ESPL1: variants seen among roughly 807,000 people sequenced by gnomAD.
ESPL1 encodes the protein separin.
A neutral mutation model predicts 217.2 loss-of-function variants in ESPL1; 50 were observed. That is an observed-to-expected ratio of 0.23 (90% CI 0.18 to 0.29). ESPL1 has a LOEUF of 0.29. Ranked by LOEUF, ESPL1 falls within the 10% of genes least tolerant of loss-of-function variation. The probability of loss-of-function intolerance (pLI) is 1.00; values close to 1 mark genes in which losing one functional copy is unlikely to be tolerated. For missense variants in ESPL1, 1,834 were observed against 2,603.0 expected (o/e 0.70, Z 6.43); for synonymous variants, 994 against 1,081.3 (o/e 0.92, Z 1.58).
chr12:53,289,030 G>A (rs1293453134), intron 20 of ESPL1, 60 bp from the exon 21 acceptor site: 2 of 1,352,028 alleles, frequency 1.5e-6, no homozygotes, highest in Non-Finnish European at 2.1e-6. Flanking sequence ...TTCTTGGAAA[G>A]TTCCTATCAA....
Position 53,289,165 on chromosome 12 carries a change from G to A in ESPL1, c.4784G>A (p.Gly1595Glu). 6.2e-7 allele frequency: 1 copy of A among 1,614,142 alleles called. No homozygotes were observed. Among genetic ancestry groups the A allele is most frequent in the Non-Finnish European group, 8.5e-7 (1 of 1,180,014 alleles). The part of the protein sequence containing the change: ...FRGISHCPPS[G>E]LYAHLCRFLA... Reference sequence around the variant, plus strand: ...GGCATTAGTCACTGTCCTCCTAGTGGGCTCTATGCCCACCTCTGCCGCTTC... The same window carrying A: ...GGCATTAGTCACTGTCCTCCTAGTGAGCTCTATGCCCACCTCTGCCGCTTC... The change falls in exon 21 of 31, where the codon GGG becomes GAG. Residue 1595 changes from glycine (G) to glutamate (E), a missense_variant. Around this residue, in one of 5 missense-constraint regions of ESPL1, gnomAD observed 681 missense variants for 808.0 expected, o/e 0.84. Coordinates refer to ENST00000257934, the MANE Select transcript of ESPL1 (RefSeq NM_012291.5).
Position 53,269,264 on chromosome 12 carries a change from G to T in ESPL1, c.322G>T (p.Ala108Ser). 1 of 1,614,224 alleles carries T rather than the reference G, an allele frequency of 6.2e-7. No homozygotes were observed. Among genetic ancestry groups the T allele is most frequent in the Non-Finnish European group, 8.5e-7 (1 of 1,180,032 alleles). The change falls in exon 3 of 31, where the codon GCT becomes TCT. Residue 108 changes from alanine (A) to serine (S), a missense_variant. Around this residue, in one of 5 missense-constraint regions of ESPL1, gnomAD observed 746 missense variants for 1,077.0 expected, o/e 0.69. Transcript: ENST00000257934. The surrounding 1 kb of genome is among the most constrained non-coding windows in gnomAD (Gnocchi z 6.7). Reference sequence around the variant, plus strand: ...AATTCTCTTTGTCTTACTGCGGAATGCTGCTGCACAAGGAAGCCCAGAGGC... The same window carrying T: ...AATTCTCTTTGTCTTACTGCGGAATTCTGCTGCACAAGGAAGCCCAGAGGC... ...ERILFVLLRN[A>S]AAQGSPEATL...
In ESPL1 at chr12:53,292,475, T is replaced by C; in HGVS notation, c.5912+82T>C. On this transcript the variant is annotated intron_variant, in intron 28 of 30. Coordinates refer to ENST00000257934, the MANE Select transcript of ESPL1 (RefSeq NM_012291.5). This position sits in a 1 kb window ranked among gnomAD's most constrained non-coding sequence, Gnocchi z 4.5. Reference sequence around the variant, plus strand: ...AACAAGCCTTTTCTCCAGAAACAGCTGTTGCAGCCCACCTTCTATCTAATG... The same window carrying C: ...AACAAGCCTTTTCTCCAGAAACAGCCGTTGCAGCCCACCTTCTATCTAATG... The C allele has an allele frequency of 7.2e-7, 1 of 1,382,636 alleles. No homozygotes were observed. Among genetic ancestry groups the C allele is most frequent in the Non-Finnish European group, 1.0e-6 (1 of 969,476 alleles). 85.6% of individuals were successfully genotyped at this position (1,382,636 alleles called of 1,614,324 possible).
intron 1 of ESPL1, among the ~76,000 whole-genome samples, 163 bp from the exon 2 acceptor site, chr12:53,268,592 G>A (rs1276064779): frequency 1.3e-5 from 2 of 152,154 alleles, no homozygotes; most frequent in African/African-American, 2.4e-5. Flanking sequence ...AAGGAAGAGC[G>A]GAATCGTCCT....
At chr12:53,275,412 G>A (rs1943749352) in intron 7 of ESPL1, among the ~76,000 whole-genome samples, 1 of 152,180 alleles carries the variant, frequency 6.6e-6, no homozygotes, top group South Asian at 2.1e-4. Context: ...AGTGAGCCGA[G>A]ATCGTGCCAC....
rs1016189887 is a variant in ESPL1, at chr12:53,292,016, C to A, written c.5724C>A (p.Pro1908=). 9.9e-6 allele frequency: 16 copies of A among 1,613,982 alleles called. No individual in the cohort carries two copies. Among genetic ancestry groups the A allele is most frequent in the Admixed American group, 8.3e-5 (5 of 59,992 alleles). The stretch of plus-strand genomic sequence containing the variant: ...AGAAGCTGCCGTGGGAAAGCATGCC[C>A]AGCCTCCAAGCACTGCCTGTCACCC... The part of the protein sequence containing the change: ...DLQKLPWESM[P]SLQALPVTRL... Residue 1908 remains proline (P), a synonymous_variant, in exon 27 of 31, where the codon CCC becomes CCA. Transcript: ENST00000257934. The surrounding 1 kb of genome is among the most constrained non-coding windows in gnomAD (Gnocchi z 4.5).
rs1592499109 is a variant in ESPL1 at position 53,292,139 on chromosome 12, T to G, written c.5796+51T>G. Reference sequence around the variant, plus strand: ...GGATGACTGGCGACTGGGGAAGACGTCAACAAAGAAGGGCAGAGAAACCTG... The same window carrying G: ...GGATGACTGGCGACTGGGGAAGACGGCAACAAAGAAGGGCAGAGAAACCTG... On this transcript the variant is annotated intron_variant, in intron 27 of 30. Coordinates refer to ENST00000257934, the MANE Select transcript of ESPL1 (RefSeq NM_012291.5). The surrounding 1 kb of genome is among the most constrained non-coding windows in gnomAD (Gnocchi z 4.5). The G allele has an allele frequency of 6.6e-7, 1 of 1,508,054 alleles. No individual in the cohort carries two copies. Among genetic ancestry groups the G allele is most frequent in the Non-Finnish European group, 9.2e-7 (1 of 1,083,738 alleles). The allele number at this position is 1,508,054 out of a possible 1,614,324, so 93.4% of individuals were successfully genotyped here.
chr12:53,281,404 G>C, intron 12 of ESPL1, 103 bp from the exon 13 acceptor site: 1 of 1,210,502 alleles, frequency 8.3e-7, no homozygotes, highest in Non-Finnish European at 1.2e-6. Flanking sequence ...CTCCCAAAGT[G>C]CTGGGATTAC....
intron 21 of ESPL1, 28 bp downstream of exon 21, chr12:53,289,331 TGC>T (rs748923614): frequency 3.7e-6 from 6 of 1,610,934 alleles, no homozygotes; most frequent in Non-Finnish European, 5.1e-6. Flanking sequence ...CCAAGACTCC[TGC>T]TGGGGCAGAC....
Position 53,293,251 on chromosome 12 carries a change from TTTCCTCCTTTTC to T in ESPL1, c.6162-19_6162-8del, listed in dbSNP as rs1944093628. 6.2e-7 allele frequency: 1 copy of T among 1,600,674 alleles called. No individual in the cohort carries two copies. On this transcript the variant is annotated splice_polypyrimidine_tract_variant and intron_variant, in intron 30 of 30. Coordinates refer to ENST00000257934, the MANE Select transcript of ESPL1 (RefSeq NM_012291.5). The surrounding 1 kb of genome is among the most constrained non-coding windows in gnomAD (Gnocchi z 4.2). ...TCTGTTTTAGAGCCCTTACTTTGTA[TTTCCTCCTTTTC>T]TTTTCCCAGCCCCTTGTTTCTGGGT...
chr12:53,272,388 G>T (rs1943691881), intron 5 of ESPL1, among the ~76,000 whole-genome samples: 1 of 152,138 alleles, frequency 6.6e-6, no homozygotes, highest in Admixed American at 6.6e-5. Flanking sequence ...CATTGAGAGG[G>T]TGACATGAGC....
Position 53,286,614 on chromosome 12 carries a change from G to C in ESPL1, c.3878G>C (p.Gly1293Ala), listed in dbSNP as rs773256986. Residue 1293 changes from glycine to alanine, a missense_variant, in exon 18 of 31, where the codon GGC becomes GCC. Gly to Ala is a moderately conservative substitution (Grantham distance 60). Transcript: ENST00000257934. The surrounding 1 kb of genome is among the most constrained non-coding windows in gnomAD (Gnocchi z 5.3). ...CTTQLFASSW[G>A]WQPPLIKSVP... is the part of the protein sequence containing the mutation. ...ACCCAACTTTTTGCAAGCTCCTGGG[G>C]CTGGCAGCCACCATTAATAAAAAGT... 2 of 1,614,156 alleles carry C rather than the reference G, an allele frequency of 1.2e-6. No individual in the cohort carries two copies. The highest frequency in any genetic ancestry group is 1.7e-6 in the Non-Finnish European group (2 of 1,180,040).
In ESPL1 at chr12:53,274,823, A is replaced by G; in HGVS notation, c.1513A>G (p.Arg505Gly). Reference sequence around the variant, plus strand: ...GTTCCCTTTCTCTGGTCAGTTGCACAGGTGCTTCCGGCTACAAGTAGAGAG... The same window carrying G: ...GTTCCCTTTCTCTGGTCAGTTGCACGGGTGCTTCCGGCTACAAGTAGAGAG... ...YPEVPPEKLHRCFRLQVESLK... is the reference protein window; with the variant it reads ...YPEVPPEKLHGCFRLQVESLK... The change falls in exon 7 of 31, where the codon AGG (arginine) becomes GGG (glycine). Residue 505 changes from arginine (R) to glycine (G), a missense_variant. Transcript: ENST00000257934. The G allele has an allele frequency of 6.2e-7, 1 of 1,613,712 alleles. No homozygotes were observed. Among genetic ancestry groups the G allele is most frequent in the Non-Finnish European group, 8.5e-7 (1 of 1,179,734 alleles).
At position 53,286,921 on chromosome 12, in the gene ESPL1, G is replaced by A; in HGVS notation, c.4176+9G>A. The A allele has an allele frequency of 1.3e-6, 2 of 1,576,786 alleles. No homozygotes were observed. Among genetic ancestry groups the A allele is most frequent in the Non-Finnish European group, 1.7e-6 (2 of 1,162,306 alleles). On this transcript the variant is annotated intron_variant, in intron 18 of 30. Coordinates refer to ENST00000257934, the MANE Select transcript of ESPL1 (RefSeq NM_012291.5). The surrounding 1 kb of genome is among the most constrained non-coding windows in gnomAD (Gnocchi z 5.3). ...TCCAGACGCGCCTCAAGGTGAGGTG[G>A]GACTGTTGCTAGGTGGTGGTGATGG...
chr12:53,274,748 C>A, intron 6 of ESPL1, 69 bp from the exon 7 acceptor site: 3 of 1,311,910 alleles, frequency 2.3e-6, no homozygotes, highest in South Asian at 1.2e-5. Context: ...CTATTGCATG[C>A]ATATCCCCTT....
In ESPL1 at chr12:53,286,532, G is replaced by T. The variant is rs758061784; in HGVS notation, c.3796G>T (p.Ala1266Ser). The T allele has an allele frequency of 5.6e-6, 9 of 1,614,044 alleles. No individual in the cohort carries two copies. The highest frequency in any genetic ancestry group is 7.6e-6 in the Non-Finnish European group (9 of 1,180,042). ...ARIPHLEPWR[A>S]SLLLIWALTK... ...GATACCCCACCTAGAGCCCTGGCGA[G>T]CCAGCCTGCTCTTGATTTGGGCCCT... is the stretch of plus-strand genomic sequence containing the variant. Residue 1266 changes from alanine to serine, a missense_variant, in exon 18 of 31, where the codon GCC becomes TCC. This residue lies in a region of ESPL1 where 681 missense variants were observed against 808.0 expected (regional missense o/e 0.84). Transcript: ENST00000257934. The surrounding 1 kb of genome is among the most constrained non-coding windows in gnomAD (Gnocchi z 5.3).
Position 53,277,591 on chromosome 12 carries a change from A to T in ESPL1, c.2207A>T (p.Asn736Ile). The T allele has an allele frequency of 1.9e-6, 3 of 1,614,154 alleles. No individual in the cohort carries two copies. The highest frequency in any genetic ancestry group is 2.7e-5 in the African/African-American group (2 of 75,040). The change falls in exon 10 of 31, where the codon AAC becomes ATC. Residue 736 changes from asparagine (N) to isoleucine (I), a missense_variant. This residue lies in a region of ESPL1 where 746 missense variants were observed against 1,077.0 expected (regional missense o/e 0.69). Transcript: ENST00000257934. Reference sequence around the variant, plus strand: ...TTCCTATACAGTAACATTGCCTTCAACCTGGCTGCAGATGCTGGTGAGGGG... The same window carrying T: ...TTCCTATACAGTAACATTGCCTTCATCCTGGCTGCAGATGCTGGTGAGGGG... Reference protein sequence around the residue: ...DRFLYSNIAFNLAADAAQSKC... With the variant: ...DRFLYSNIAFILAADAAQSKC...
chr12:53,269,013 T>A lies in ESPL1; in HGVS notation c.82-11T>A. 6.2e-7 allele frequency: 1 copy of A among 1,603,676 alleles called. No individual in the cohort carries two copies. The highest frequency in any genetic ancestry group is 8.5e-7 in the Non-Finnish European group (1 of 1,172,822). On this transcript the variant is annotated splice_polypyrimidine_tract_variant and intron_variant, in intron 2 of 30. Coordinates refer to ENST00000257934, the MANE Select transcript of ESPL1 (RefSeq NM_012291.5). This position sits in a 1 kb window ranked among gnomAD's most constrained non-coding sequence, Gnocchi z 6.7. ...TTTGCTAGCCCCATTCATATCTTTC[T>A]CTACTCCTAGGAGTTCCTGTCCAAC...
chr12:53,282,478 G>C lies in ESPL1; in HGVS notation c.2791+43G>C. 1 of 1,574,794 alleles carries C rather than the reference G, an allele frequency of 6.4e-7. No individual in the cohort carries two copies. ...ATGGCCCCCCTTGGATGACATGTAT[G>C]GTCTGTCTGCTGTCAGCTCTTCTCA... is the stretch of plus-strand genomic sequence containing the variant. On this transcript the variant is annotated intron_variant, in intron 14 of 30. Coordinates refer to ENST00000257934, the MANE Select transcript of ESPL1 (RefSeq NM_012291.5). The surrounding 1 kb of genome is among the most constrained non-coding windows in gnomAD (Gnocchi z 4.0).
Sources: gnomAD v4.1 joint callset for allele counts (sites outside exome capture counted in the v4.1 genomes callset) on GRCh38, gnomAD v4.1.1 for gene constraint, gnomAD v4.1.1 regional missense constraint, Gnocchi (gnomAD v3.1) non-coding constraint, MANE v1.5 for transcripts, NCBI Gene and HGNC (gene_info 2026-07-23, HGNC 2026-07-21) for gene names.